CORO2B: variants seen among roughly 807,000 people sequenced by gnomAD.
CORO2B encodes the protein coronin 2B, also known as coronin-2B.
In CORO2B, 26 loss-of-function variants were observed where a neutral mutation model predicts 58.8. The observed-to-expected ratio is 0.44, with a 90% CI of 0.32 to 0.61. The LOEUF (loss-of-function observed/expected upper bound fraction) is 0.61, where lower values mean the gene tolerates loss of function less well. Among genes scored for constraint, CORO2B ranks in the 20% least tolerant of loss-of-function variants. The pLI is 0.04. For missense variants in CORO2B, 460 were observed against 645.1 expected (o/e 0.71, Z 3.11); for synonymous variants, 242 against 253.8 (o/e 0.95, Z 0.44).
In CORO2B at chr15:68,726,663, G is replaced by A. The variant is rs1893308168; in HGVS notation, c.*689G>A. ...CTTTTCCCATTCAATTTGTGAGCCAGGCAGGGTAGGGATTAGTGTCCCCCT... is the reference window on the plus strand; with the variant it reads ...CTTTTCCCATTCAATTTGTGAGCCAAGCAGGGTAGGGATTAGTGTCCCCCT... On this transcript the variant is annotated 3_prime_UTR_variant, in exon 12 of 12. Transcript: ENST00000261861. 1 of 152,874 alleles carries A rather than the reference G, an allele frequency of 6.5e-6. No homozygotes were observed. The highest frequency in any genetic ancestry group is 1.5e-5 in the Non-Finnish European group (1 of 68,270). 9.5% of individuals were successfully genotyped at this position (152,874 alleles called of 1,614,324 possible).
At chr15:68,655,774 G>T in intron 2 of CORO2B, among the ~76,000 whole-genome samples, 1 of 152,200 alleles carries the variant, frequency 6.6e-6, no homozygotes, top group East Asian at 1.9e-4. Context: ...GTCCACAAAG[G>T]GCGGCCATCC....
chr15:68,713,912 C>G lies in CORO2B; in HGVS notation c.649-13C>G, dbSNP rs1158199203. 6.2e-7 allele frequency: 1 copy of G among 1,604,516 alleles called. No individual in the cohort carries two copies. Among genetic ancestry groups the G allele is most frequent in the Non-Finnish European group, 8.5e-7 (1 of 1,171,628 alleles). ...GGGGACCCTGGCTCACCACCTCCCT[C>G]TGTTCCTACTAGGAGGCCAACTGCA... is the stretch of plus-strand genomic sequence containing the variant. On this transcript the variant is annotated splice_polypyrimidine_tract_variant and intron_variant, in intron 5 of 11. Transcript: ENST00000261861.
intron 2 of CORO2B, among the ~76,000 whole-genome samples, chr15:68,687,254 G>A (rs2140307152): frequency 6.6e-6 from 1 of 152,354 alleles, no homozygotes; most frequent in Admixed American, 6.5e-5. Flanking sequence ...AACCGGGTGT[G>A]GAAATCCTAC....
At chr15:68,707,904 G>T (rs546311166) in intron 3 of CORO2B, among the ~76,000 whole-genome samples, 1 of 151,992 alleles carries the variant, frequency 6.6e-6, no homozygotes, top group Non-Finnish European at 1.5e-5. Flanking sequence ...AGAGCATTGG[G>T]GTATTCTGGG....
At chr15:68,696,266 A>G (rs1892507926) in intron 3 of CORO2B, among the ~76,000 whole-genome samples, 1 of 148,884 alleles carries the variant, frequency 6.7e-6, no homozygotes, top group Non-Finnish European at 1.5e-5. Context: ...AAAAAAAAAG[A>G]GTTCGAGCAT....
At chr15:68,631,846 C>A in intron 1 of CORO2B, 1 of 641,260 alleles carries the variant, frequency 1.6e-6, no homozygotes, top group Non-Finnish European at 1.9e-6. Context: ...TGCACAAAGA[C>A]AGCCCCTCCT....
intron 1 of CORO2B, among the ~76,000 whole-genome samples, chr15:68,636,693 A>G (rs1392848102): frequency 2.0e-5 from 3 of 152,222 alleles, no homozygotes; most frequent in Non-Finnish European, 4.4e-5. Flanking sequence ...GTGACTCCAG[A>G]TCATGGCCTT....
At chr15:68,598,672 G>C (rs1899900114) in intron 1 of CORO2B, among the ~76,000 whole-genome samples, 1 of 152,184 alleles carries the variant, frequency 6.6e-6, no homozygotes, top group Non-Finnish European at 1.5e-5. Context: ...CCTCACTTTG[G>C]AGTTTTAATT....
chr15:68,579,374 G>A (rs1899361596), intron 1 of CORO2B, 97 bp downstream of exon 1: 1 of 1,139,160 alleles, frequency 8.8e-7, no homozygotes, highest in Non-Finnish European at 1.1e-6. Flanking sequence ...TGGGGAGGGG[G>A]CGCCGGTGCC....
chr15:68,702,306 A>G (rs1892671197), intron 3 of CORO2B, among the ~76,000 whole-genome samples: 1 of 152,104 alleles, frequency 6.6e-6, no homozygotes, highest in Non-Finnish European at 1.5e-5. Flanking sequence ...TCATAATAAT[A>G]ATAGGTAGCA....
At chr15:68,567,160 G>T in the CORO2B span, among the ~76,000 whole-genome samples, 1 of 152,174 alleles carries the variant, frequency 6.6e-6, no homozygotes, top group Non-Finnish European at 1.5e-5. Flanking sequence ...GGGAGCCAAA[G>T]ATCACCTCCA....
At chr15:68,722,395 C>T (rs1277064829) in intron 11 of CORO2B, among the ~76,000 whole-genome samples, 3 of 152,190 alleles carry the variant, frequency 2.0e-5, no homozygotes, top group Non-Finnish European at 4.4e-5. Flanking sequence ...AGTTCGGAAG[C>T]AGCCAGTTAG....
At chr15:68,566,722 A>G in the CORO2B span, among the ~76,000 whole-genome samples, 2 of 152,154 alleles carry the variant, frequency 1.3e-5, no homozygotes, top group African/African-American at 4.8e-5. Context: ...GGAGACAAAA[A>G]GTCATCCTGG....
chr15:68,564,989 C>T, the CORO2B span, among the ~76,000 whole-genome samples: 2 of 152,146 alleles, frequency 1.3e-5, no homozygotes, highest in South Asian at 4.1e-4. Context: ...TTCAGAATCT[C>T]TATAAAACCT....
chr15:68,519,878 G>T, the CORO2B span, among the ~76,000 whole-genome samples: 2 of 152,132 alleles, frequency 1.3e-5, no homozygotes, highest in Non-Finnish European at 2.9e-5. Flanking sequence ...TAGATAAATT[G>T]ATTTCAGCCT....
intron 3 of CORO2B, among the ~76,000 whole-genome samples, chr15:68,707,313 G>A (rs1892807913): frequency 6.6e-6 from 1 of 152,124 alleles, no homozygotes; most frequent in Non-Finnish European, 1.5e-5. Flanking sequence ...CAGACTCTGT[G>A]GGTTAAAAAC....
chr15:68,661,587 T>A (rs763414219), intron 2 of CORO2B, among the ~76,000 whole-genome samples: 62 of 152,212 alleles, frequency 4.1e-4, no homozygotes, highest in Non-Finnish European at 7.6e-4. Flanking sequence ...CTGACTACAT[T>A]TGCACAAAAC....
chr15:68,682,372 G>A (rs1373076539), intron 2 of CORO2B, among the ~76,000 whole-genome samples: 1 of 152,198 alleles, frequency 6.6e-6, no homozygotes, highest in Non-Finnish European at 1.5e-5. Flanking sequence ...TGGAGAGGAA[G>A]GAGCAGATGT....
chr15:68,692,161 C>G (rs889374554), intron 2 of CORO2B, among the ~76,000 whole-genome samples: 1 of 152,220 alleles, frequency 6.6e-6, no homozygotes, highest in African/African-American at 2.4e-5. Context: ...GCTGCTTGAC[C>G]TTGGGCAAGT....
Sources: gnomAD v4.1 joint callset for allele counts (sites outside exome capture counted in the v4.1 genomes callset) on GRCh38, gnomAD v4.1.1 for gene constraint, MANE v1.5 for transcripts, NCBI Gene and HGNC (gene_info 2026-07-23, HGNC 2026-07-21) for gene names.